The following PPARGC1A variants were observed in gnomAD, a reference collection of about 807,000 sequenced individuals.
PPARGC1A encodes the protein PPARG coactivator 1 alpha, also known as peroxisome proliferator-activated receptor gamma coactivator 1-alpha.
In PPARGC1A, 25 loss-of-function variants were observed where a neutral mutation model predicts 88.7. That is an observed-to-expected ratio of 0.28 (90% CI 0.21 to 0.39). The LOEUF (loss-of-function observed/expected upper bound fraction) is 0.39, where lower values mean the gene tolerates loss of function less well. PPARGC1A is among the 10% of genes least tolerant of loss of function. The probability of loss-of-function intolerance (pLI) is 1.00; values close to 1 mark genes in which losing one functional copy is unlikely to be tolerated. For missense variants in PPARGC1A, 880 were observed against 968.7 expected, an observed-to-expected ratio of 0.91 and a Z score of 1.22; for synonymous variants, 363 against 355.6, an observed-to-expected ratio of 1.02 and a Z score of -0.24.
chr4:24,244,544 C>G, the PPARGC1A span, among the ~76,000 whole-genome samples: 1 of 152,168 alleles, frequency 6.6e-6, no homozygotes, highest in Non-Finnish European at 1.5e-5. Flanking sequence ...CTCTGCCTCC[C>G]AATCCACATC....
At chr4:24,237,705 C>T in the PPARGC1A span, among the ~76,000 whole-genome samples, 2 of 152,162 alleles carry the variant, frequency 1.3e-5, no homozygotes, top group Admixed American at 6.5e-5. Flanking sequence ...AGAATGAAAA[C>T]GTTTCAGAAA....
chr4:23,802,676 CAAAA>C (rs397823520), intron 10 of PPARGC1A, among the ~76,000 whole-genome samples: 1 of 26,130 alleles, frequency 3.8e-5, no homozygotes, highest in African/African-American at 1.2e-4. Flanking sequence ...GACTCCATCT[CAAAA>C]AAAAAAAAAA....
the PPARGC1A span, among the ~76,000 whole-genome samples, chr4:24,081,616 T>C: frequency 6.6e-6 from 1 of 152,138 alleles, no homozygotes; most frequent in African/African-American, 2.4e-5. Context: ...AGTTCTTCCT[T>C]AAAAATCATT....
the PPARGC1A span, among the ~76,000 whole-genome samples, chr4:24,331,247 C>G: frequency 1.3e-5 from 2 of 152,142 alleles, no homozygotes; most frequent in East Asian, 1.9e-4. Context: ...CTTTTCAGAG[C>G]CTTTATGTTT....
In PPARGC1A at chr4:23,814,512, A is replaced by G; in HGVS notation, c.971T>C (p.Val324Ala). ...CCTGGGCTTCTTTGATGGTGGTGGC[A>G]CCACAGTCTTGCAAGAGGACTTCAG... ...PKLKSSCKTV[V>A]PPPSKKPRYS... is the part of the protein sequence containing the mutation. The change falls in exon 8 of 13, where the codon GTG becomes GCG. Residue 324 changes from valine to alanine, a missense_variant. Physicochemically the swap from Val to Ala is moderately conservative, Grantham distance 64 (BLOSUM62 0). Transcript: ENST00000264867. 1 of 1,613,524 alleles carries G rather than the reference A, an allele frequency of 6.2e-7. No homozygotes were observed. Among genetic ancestry groups the G allele is most frequent in the Non-Finnish European group, 8.5e-7 (1 of 1,179,850 alleles).
the PPARGC1A span, among the ~76,000 whole-genome samples, chr4:24,329,923 C>T: frequency 1.3e-5 from 2 of 152,224 alleles, no homozygotes; most frequent in Admixed American, 6.5e-5. Context: ...TCTCCTACCT[C>T]TCCTCTCCAA....
At chr4:24,134,326 G>A in the PPARGC1A span, among the ~76,000 whole-genome samples, 2 of 152,208 alleles carry the variant, frequency 1.3e-5, no homozygotes, top group Non-Finnish European at 2.9e-5. Flanking sequence ...TTACCATCAT[G>A]TTCCTAAACT....
the PPARGC1A span, among the ~76,000 whole-genome samples, chr4:24,152,725 T>C: frequency 6.6e-6 from 1 of 152,210 alleles, no homozygotes; most frequent in Non-Finnish European, 1.5e-5. Flanking sequence ...CTGTTGAGAT[T>C]CCAATCACTG....
the PPARGC1A span, among the ~76,000 whole-genome samples, chr4:24,327,916 G>T: frequency 6.6e-6 from 1 of 152,116 alleles, no homozygotes; most frequent in African/African-American, 2.4e-5. Flanking sequence ...AATCACAAAA[G>T]AAGTGAAAAG....
the PPARGC1A span, among the ~76,000 whole-genome samples, chr4:24,075,058 T>C: frequency 6.6e-6 from 1 of 152,070 alleles, no homozygotes; most frequent in Admixed American, 6.6e-5. Flanking sequence ...TAGACAGAAG[T>C]GCATGATGTC....
intron 5 of PPARGC1A, 36 bp downstream of exon 5, chr4:23,828,364 G>GCCCT: frequency 6.4e-7 from 1 of 1,569,234 alleles, no homozygotes; most frequent in Non-Finnish European, 8.8e-7. Flanking sequence ...TGCTTCCAGT[G>GCCCT]CCCTCACCAA....
the PPARGC1A span, among the ~76,000 whole-genome samples, chr4:24,009,406 A>T: frequency 6.6e-6 from 1 of 152,182 alleles, no homozygotes; most frequent in East Asian, 1.9e-4. Context: ...TGATGATGGC[A>T]TGAGGGTTAT....
the PPARGC1A span, among the ~76,000 whole-genome samples, chr4:24,227,910 T>C: frequency 5.5e-4 from 84 of 152,308 alleles, 1 homozygote; most frequent in East Asian, 0.011. Flanking sequence ...AGGAACACCT[T>C]TTTCCTAGTC....
chr4:24,203,762 A>C, the PPARGC1A span, among the ~76,000 whole-genome samples: 1,612 of 152,348 alleles, frequency 0.011, 27 homozygotes, highest in African/African-American at 0.037. Flanking sequence ...TAAAACTTGC[A>C]AGTTGCTCTG....
At chr4:23,812,169 C>G (rs1721031185) in intron 10 of PPARGC1A, among the ~76,000 whole-genome samples, 1 of 151,896 alleles carries the variant, frequency 6.6e-6, no homozygotes, top group Non-Finnish European at 1.5e-5. Flanking sequence ...TCTCAAACTT[C>G]TGGCCTTAAG....
the PPARGC1A span, among the ~76,000 whole-genome samples, chr4:24,281,826 T>C: frequency 6.6e-6 from 1 of 152,060 alleles, no homozygotes. Context: ...AACATTGACA[T>C]AGCACTAACT....
chr4:24,239,263 A>G, the PPARGC1A span, among the ~76,000 whole-genome samples: 2 of 152,226 alleles, frequency 1.3e-5, no homozygotes, highest in African/African-American at 4.8e-5. Flanking sequence ...TGGTCCATGA[A>G]GGAAATAAGC....
the PPARGC1A span, among the ~76,000 whole-genome samples, chr4:24,414,656 T>C: frequency 6.6e-6 from 1 of 152,224 alleles, no homozygotes; most frequent in South Asian, 2.1e-4. Context: ...AGGCCCAATA[T>C]AGGTACTTTT....
At chr4:23,959,560 G>A in the PPARGC1A span, among the ~76,000 whole-genome samples, 10,668 of 152,082 alleles carry the variant, frequency 0.07, 1,267 homozygotes, top group African/African-American at 0.24. Flanking sequence ...CCAGCATGAC[G>A]TGGCTTTGGG....
Sources: allele counts gnomAD v4.1 joint callset (sites outside exome capture counted in the v4.1 genomes callset), GRCh38; gene constraint gnomAD v4.1.1; transcripts MANE v1.5; gene names NCBI Gene and HGNC (gene_info 2026-07-23, HGNC 2026-07-21).